TMEM178A: variants seen among roughly 807,000 people sequenced by gnomAD.
TMEM178A encodes the protein transmembrane protein 178A.
Under a neutral mutation model 29.1 loss-of-function variants are expected in TMEM178A, and 12 were observed. The ratio of observed to expected loss-of-function variants is 0.41; its 90% CI spans 0.26 to 0.67. The LOEUF (loss-of-function observed/expected upper bound fraction) is 0.67. Ranked by LOEUF, TMEM178A falls within the 30% of genes least tolerant of loss-of-function variation. The probability of loss-of-function intolerance (pLI) is 0.29; values close to 1 mark genes in which losing one functional copy is unlikely to be tolerated. For missense variants in TMEM178A, 366 were observed against 419.1 expected, an observed-to-expected ratio of 0.87 and a Z score of 1.11; for synonymous variants, 210 against 187.2, an observed-to-expected ratio of 1.12 and a Z score of -0.99.
chr2:39,710,223 C>T (rs1469194816), intron 3 of TMEM178A, among the ~76,000 whole-genome samples: 1 of 152,130 alleles, frequency 6.6e-6, no homozygotes, highest in East Asian at 1.9e-4. Context: ...CAACAAAAAC[C>T]CAAACAATAA....
chr2:39,706,528 G>A (rs368397155), intron 2 of TMEM178A, among the ~76,000 whole-genome samples: 2 of 152,168 alleles, frequency 1.3e-5, no homozygotes, highest in Non-Finnish European at 2.9e-5. Flanking sequence ...GGCATCTGTG[G>A]TGATCAGATA....
At chr2:39,701,403 G>C (rs1399314021) in intron 1 of TMEM178A, among the ~76,000 whole-genome samples, 2 of 152,092 alleles carry the variant, frequency 1.3e-5, no homozygotes, top group Non-Finnish European at 2.9e-5. Context: ...TTTCTGATGA[G>C]AAATCAGCTG....
At chr2:39,708,458 G>C (rs1347065528) in intron 3 of TMEM178A, among the ~76,000 whole-genome samples, 3 of 116,966 alleles carry the variant, frequency 2.6e-5, no homozygotes, top group African/African-American at 3.3e-5. Context: ...TCGCTCTGTC[G>C]CCCAGGCTGG....
intron 1 of TMEM178A, among the ~76,000 whole-genome samples, chr2:39,682,877 T>TCCA (rs1230159925): frequency 1.3e-5 from 2 of 152,208 alleles, no homozygotes; most frequent in Non-Finnish European, 2.9e-5. Flanking sequence ...CTGACAGGTG[T>TCCA]GAGCAGATCT....
the TMEM178A span, among the ~76,000 whole-genome samples, chr2:39,732,362 C>T: frequency 1.3e-5 from 2 of 152,148 alleles, no homozygotes; most frequent in Non-Finnish European, 2.9e-5. Flanking sequence ...AGGAAGCACA[C>T]TGAGAGGAAA....
chr2:39,711,616 G>A (rs929320489), intron 3 of TMEM178A, among the ~76,000 whole-genome samples: 8 of 151,952 alleles, frequency 5.3e-5, no homozygotes, highest in African/African-American at 1.9e-4. Context: ...CACCCACACT[G>A]GTTATTCATT....
At chr2:39,701,483 T>C (rs1671779833) in intron 1 of TMEM178A, among the ~76,000 whole-genome samples, 1 of 152,158 alleles carries the variant, frequency 6.6e-6, no homozygotes, top group Non-Finnish European at 1.5e-5. Context: ...GGATTCTCTG[T>C]CTTTGGCTTT....
Position 39,717,049 on chromosome 2 carries a change from G to A in TMEM178A, c.692G>A (p.Ser231Asn), listed in dbSNP as rs1672571693. The part of the protein sequence containing the change: ...CTISLCTYAA[S>N]ISYDLNRLPK... Reference sequence around the variant, plus strand: ...ATTTCCCTCTGTACTTATGCCGCCAGTATCTCGTATGATTTGAACCGGCTC... The same window carrying A: ...ATTTCCCTCTGTACTTATGCCGCCAATATCTCGTATGATTTGAACCGGCTC... The change falls in exon 4 of 4, where the codon AGT (serine) becomes AAT (asparagine). Residue 231 changes from serine to asparagine, a missense_variant. Physicochemically the swap from Ser to Asn is conservative, Grantham distance 46. Transcript: ENST00000281961. 1.2e-6 allele frequency: 2 copies of A among 1,610,820 alleles called. No individual in the cohort carries two copies. The highest frequency in any genetic ancestry group is 1.7e-6 in the Non-Finnish European group (2 of 1,179,536).
chr2:39,666,241 C>T lies in TMEM178A; in HGVS notation c.267C>T (p.Ser89=), dbSNP rs1670153162. ...PGGPGRADPE[S]WRSLLGLGGL... Reference sequence around the variant, plus strand: ...GCCCGGGGCGCGCCGACCCCGAGTCCTGGCGCTCGCTCCTGGGGCTCGGCG... The same window carrying T: ...GCCCGGGGCGCGCCGACCCCGAGTCTTGGCGCTCGCTCCTGGGGCTCGGCG... The change falls in exon 1 of 4, where the codon TCC becomes TCT. Residue 89 remains serine (S), a synonymous_variant. Coordinates refer to ENST00000281961, the MANE Select transcript of TMEM178A (RefSeq NM_152390.3). 7.4e-7 allele frequency: 1 copy of T among 1,354,552 alleles called. No homozygotes were observed. The highest frequency in any genetic ancestry group is 1.5e-5 in the African/African-American group (1 of 65,152). 83.9% of individuals were successfully genotyped at this position (1,354,552 alleles called of 1,614,324 possible). A position where few individuals can be genotyped will look rare whatever the true frequency, so the allele number is the denominator to read the frequency against.
At chr2:39,690,882 A>G (rs1025376684) in intron 1 of TMEM178A, among the ~76,000 whole-genome samples, 1 of 152,220 alleles carries the variant, frequency 6.6e-6, no homozygotes, top group Non-Finnish European at 1.5e-5. Flanking sequence ...TTCAGTAGAG[A>G]TAAAAATCAT....
chr2:39,734,160 C>A, the TMEM178A span, among the ~76,000 whole-genome samples: 1 of 152,194 alleles, frequency 6.6e-6, no homozygotes, highest in Non-Finnish European at 1.5e-5. Flanking sequence ...CTTAAGCTCA[C>A]TGCAGTCTGG....
chr2:39,716,918 G>T, intron 3 of TMEM178A, 92 bp from the exon 4 acceptor site: 3 of 1,440,398 alleles, frequency 2.1e-6, no homozygotes, highest in South Asian at 1.4e-5. Flanking sequence ...TGCCTCAGTG[G>T]TTGATCTGAT....
the TMEM178A span, among the ~76,000 whole-genome samples, chr2:39,732,685 T>A: frequency 6.6e-6 from 1 of 152,150 alleles, no homozygotes; most frequent in Non-Finnish European, 1.5e-5. Flanking sequence ...CTACTGGGAT[T>A]TGCTGCAGGC....
At chr2:39,712,797 G>A (rs1043908164) in intron 3 of TMEM178A, among the ~76,000 whole-genome samples, 1 of 152,152 alleles carries the variant, frequency 6.6e-6, no homozygotes, top group Non-Finnish European at 1.5e-5. Context: ...TGGATCTTCA[G>A]GAAGGACCAT....
chr2:39,689,948 A>T (rs1671242240), intron 1 of TMEM178A, among the ~76,000 whole-genome samples: 1 of 152,196 alleles, frequency 6.6e-6, no homozygotes, highest in East Asian at 1.9e-4. Context: ...GGCACAGCTC[A>T]ATGCCAAGAG....
At chr2:39,726,459 C>G in the TMEM178A span, among the ~76,000 whole-genome samples, 1 of 152,118 alleles carries the variant, frequency 6.6e-6, no homozygotes, top group Non-Finnish European at 1.5e-5. Context: ...ACCAGGCTAT[C>G]CAGCACCCTT....
chr2:39,728,061 C>A, the TMEM178A span, among the ~76,000 whole-genome samples: 2 of 152,128 alleles, frequency 1.3e-5, no homozygotes, highest in African/African-American at 4.8e-5. Context: ...GATTTATAAT[C>A]CTTTGGGTAT....
intron 1 of TMEM178A, among the ~76,000 whole-genome samples, chr2:39,680,245 G>A (rs917970966): frequency 6.6e-6 from 1 of 152,146 alleles, no homozygotes; most frequent in East Asian, 1.9e-4. Flanking sequence ...GTTATAAGAT[G>A]CCTAGAAAAC....
Position 39,695,010 on chromosome 2 carries a change from A to T in TMEM178A, c.401-9071A>T, listed in dbSNP as rs556089179. ...TACTGTATTTAGTTTATTTATTTTA[A>T]CAAGGTTAACTGTTTATACCCAATA... On this transcript the variant is annotated intron_variant, in intron 1 of 3. Coordinates refer to ENST00000281961, the MANE Select transcript of TMEM178A (RefSeq NM_152390.3). 2.6e-5 allele frequency among the ~76,000 whole-genome samples: 4 copies of T among 152,314 alleles called. No individual in the cohort carries two copies. In the South Asian group the frequency reaches 8.3e-4, roughly 32 times the overall value.
Sources: allele counts gnomAD v4.1 joint callset (sites outside exome capture counted in the v4.1 genomes callset), GRCh38; gene constraint gnomAD v4.1.1; transcripts MANE v1.5; gene names NCBI Gene and HGNC (gene_info 2026-07-23, HGNC 2026-07-21).